The following ITGA4 variants were observed in gnomAD, a reference collection of about 807,000 sequenced individuals.
The protein encoded by ITGA4 is integrin alpha-4.
In ITGA4, 63 loss-of-function variants were observed where a neutral mutation model predicts 133.6. That is an observed-to-expected ratio of 0.47 (90% confidence interval 0.38 to 0.58). The LOEUF (loss-of-function observed/expected upper bound fraction) is 0.58, where lower values mean the gene tolerates loss of function less well. Among genes scored for constraint, ITGA4 ranks in the 20% least tolerant of loss-of-function variants. The pLI, the probability that ITGA4 is intolerant of heterozygous loss-of-function variation, is 0.00. For synonymous variants in ITGA4, 483 were observed against 438.0 expected, an observed-to-expected ratio of 1.10 and a Z score of -1.28; for missense variants, 1,076 against 1,252.7, an observed-to-expected ratio of 0.86 and a Z score of 2.13.
At chr2:181,487,367 A>C (rs1322242943) in intron 10 of ITGA4, among the ~76,000 whole-genome samples, 2 of 152,036 alleles carry the variant, frequency 1.3e-5, no homozygotes, top group Non-Finnish European at 2.9e-5. Context: ...GTCATATTTT[A>C]TGCCCTTCCT....
At chr2:181,489,823 C>T (rs1686004857) in intron 10 of ITGA4, among the ~76,000 whole-genome samples, 1 of 152,276 alleles carries the variant, frequency 6.6e-6, no homozygotes, top group East Asian at 1.9e-4. Flanking sequence ...CCTTCTGAGT[C>T]TTCATTGTCT....
At chr2:181,490,602 T>C (rs1686031500) in intron 10 of ITGA4, among the ~76,000 whole-genome samples, 1 of 151,864 alleles carries the variant, frequency 6.6e-6, no homozygotes, top group Non-Finnish European at 1.5e-5. Flanking sequence ...GGGTATGACC[T>C]CTGTTGTTAA....
intron 22 of ITGA4, among the ~76,000 whole-genome samples, chr2:181,527,650 C>T (rs1489160022): frequency 4.6e-5 from 7 of 152,198 alleles, no homozygotes. Flanking sequence ...ATGCCTGAAA[C>T]AGGCAAAGTT....
chr2:181,527,787 G>A (rs1686864761), intron 22 of ITGA4, among the ~76,000 whole-genome samples: 2 of 152,154 alleles, frequency 1.3e-5, no homozygotes, highest in African/African-American at 4.8e-5. Flanking sequence ...GCACTACAAA[G>A]TAAAGGAGGC....
intron 2 of ITGA4, among the ~76,000 whole-genome samples, chr2:181,460,287 G>A (rs138635862): frequency 3.2e-4 from 49 of 152,286 alleles, no homozygotes; most frequent in Non-Finnish European, 4.9e-4. Context: ...AGTATTTGCC[G>A]AAGAGTTGAC....
At chr2:181,513,521 T>C (rs1273061989) in intron 17 of ITGA4, among the ~76,000 whole-genome samples, 2 of 152,094 alleles carry the variant, frequency 1.3e-5, no homozygotes, top group African/African-American at 4.8e-5. Flanking sequence ...CCACTATTAC[T>C]CCAAACTAGG....
At chr2:181,526,847 T>TTTTTTTTTTTTTTTTTTTTTTG (rs1686841289) in intron 21 of ITGA4, among the ~76,000 whole-genome samples, 1 of 115,226 alleles carries the variant, frequency 8.7e-6, no homozygotes, top group African/African-American at 3.2e-5. Context: ...TTTTTTTTTT[T>TTTTTTTTTTTTTTTTTTTTTTG]TTTTTTAAGA....
intron 2 of ITGA4, among the ~76,000 whole-genome samples, chr2:181,466,535 T>C (rs1240891874): frequency 6.6e-6 from 1 of 152,074 alleles, no homozygotes; most frequent in Non-Finnish European, 1.5e-5. Context: ...GTTCTAGAAG[T>C]TTGGTACTTT....
intron 6 of ITGA4, among the ~76,000 whole-genome samples, chr2:181,480,858 T>G (rs1423167952): frequency 1.3e-5 from 2 of 152,116 alleles, no homozygotes; most frequent in East Asian, 1.9e-4. Flanking sequence ...CATAAGTCAA[T>G]AGTAGGATAC....
chr2:181,480,585 G>T (rs538579015), intron 6 of ITGA4, among the ~76,000 whole-genome samples: 14 of 152,246 alleles, frequency 9.2e-5, no homozygotes, highest in African/African-American at 3.4e-4. Flanking sequence ...TATACAGGTT[G>T]TTTCTGTTGA....
At chr2:181,517,920 A>C (rs994284600) in intron 17 of ITGA4, among the ~76,000 whole-genome samples, 1 of 152,064 alleles carries the variant, frequency 6.6e-6, no homozygotes, top group Non-Finnish European at 1.5e-5. Context: ...TTTGGTTACA[A>C]GCCAGAATAT....
At chr2:181,494,664 C>T in intron 11 of ITGA4, 58 bp from the exon 12 acceptor site, 2 of 868,404 alleles carry the variant, frequency 2.3e-6, no homozygotes, top group Non-Finnish European at 4.0e-6. Flanking sequence ...TAAATCATTG[C>T]TTCTCTGGTA....
chr2:181,465,479 TACTG>T (rs1165389497), intron 2 of ITGA4, among the ~76,000 whole-genome samples: 1 of 152,162 alleles, frequency 6.6e-6, no homozygotes, highest in African/African-American at 2.4e-5. Context: ...GGAACTTTAA[TACTG>T]ACCACCAAGC....
intron 9 of ITGA4, among the ~76,000 whole-genome samples, chr2:181,484,506 A>G (rs888934043): frequency 2.0e-4 from 30 of 152,186 alleles, no homozygotes; most frequent in South Asian, 4.1e-4. Context: ...ACATTTGCCC[A>G]GGAGCCAAGC....
intron 23 of ITGA4, 70 bp downstream of exon 23, chr2:181,529,718 C>A: frequency 1.3e-6 from 1 of 793,390 alleles, no homozygotes; most frequent in Non-Finnish European, 2.1e-6. Context: ...CAAACCAATC[C>A]TTTATTCGAG....
intron 15 of ITGA4, among the ~76,000 whole-genome samples, chr2:181,501,571 A>G (rs1686271080): frequency 6.6e-6 from 1 of 152,170 alleles, no homozygotes; most frequent in African/African-American, 2.4e-5. Flanking sequence ...AGGTGAGAGG[A>G]TGGTTCCAAC....
chr2:181,479,098 A>G (rs1685745233), intron 5 of ITGA4: 1 of 241,330 alleles, frequency 4.1e-6, no homozygotes, highest in Non-Finnish European at 7.9e-6. Flanking sequence ...AATCAAAAGT[A>G]GCTATGGTTA....
intron 20 of ITGA4, among the ~76,000 whole-genome samples, chr2:181,524,986 C>T (rs1686803926): frequency 1.3e-5 from 2 of 151,420 alleles, no homozygotes; most frequent in South Asian, 2.1e-4. Flanking sequence ...CTCTATCTAG[C>T]ATTAGAAGCA....
At chr2:181,467,012 C>T (rs1196489466) in intron 2 of ITGA4, among the ~76,000 whole-genome samples, 2 of 152,056 alleles carry the variant, frequency 1.3e-5, no homozygotes, top group Non-Finnish European at 2.9e-5. Context: ...GATTTTCTCA[C>T]TTTTAATATA....
Sources: gnomAD v4.1 joint callset for allele counts (sites outside exome capture counted in the v4.1 genomes callset) on GRCh38, gnomAD v4.1.1 for gene constraint, MANE v1.5 for transcripts, NCBI Gene and HGNC (gene_info 2026-07-23, HGNC 2026-07-21) for gene names.